Variants in TAFA5 observed in about 807,000 individuals in gnomAD.
TAFA5 encodes chemokine-like protein TAFA-5.
A neutral mutation model predicts 15.3 loss-of-function variants in TAFA5; 6 were observed. That is an observed-to-expected ratio of 0.39 (90% CI 0.21 to 0.77). The LOEUF is 0.77. Ranked by LOEUF, TAFA5 falls within the 30% of genes least tolerant of loss-of-function variation. The probability of loss-of-function intolerance (pLI) is 0.41; values close to 1 mark genes in which losing one functional copy is unlikely to be tolerated. For missense variants in TAFA5, 161 were observed against 193.1 expected (o/e 0.83, Z 0.98); for synonymous variants, 103 against 80.7 (o/e 1.28, Z -1.48).
At chr22:48,514,142 C>T (rs776357917) in intron 1 of TAFA5, among the ~76,000 whole-genome samples, 3 of 152,130 alleles carry the variant, frequency 2.0e-5, no homozygotes, top group African/African-American at 4.8e-5. Flanking sequence ...ACCCCAGGCC[C>T]GGCCGCGGAG....
At chr22:48,544,550 A>G in intron 1 of TAFA5, 1 of 391,268 alleles carries the variant, frequency 2.6e-6, no homozygotes, top group East Asian at 7.3e-5. Flanking sequence ...GGAGGGTGCA[A>G]CGGCGCTAAC....
intron 2 of TAFA5, among the ~76,000 whole-genome samples, chr22:48,650,804 CCCCTCCCCCAGGGCTG>C (rs150909934): frequency 2.3e-5 from 3 of 131,854 alleles, no homozygotes; most frequent in South Asian, 5.3e-4. Context: ...CACCGAGCCT[CCCCTCCCCCAGGGCTG>C]CCCTCTGAGG....
rs183215768 is a variant in TAFA5, at chr22:48,736,608, G to A, written c.391-13231G>A. Reference sequence around the variant, plus strand: ...CCCAAGTGTCCGTCAGCGGTCCCACGGAAAAACAACCTTCATATACAGCCA... The same window carrying A: ...CCCAAGTGTCCGTCAGCGGTCCCACAGAAAAACAACCTTCATATACAGCCA... On this transcript the variant is annotated intron_variant, in intron 3 of 3. Coordinates refer to ENST00000402357, the MANE Select transcript of TAFA5 (RefSeq NM_001082967.3). 3.3e-5 allele frequency among the ~76,000 whole-genome samples: 5 copies of A among 152,300 alleles called. No homozygotes were observed. The East Asian group carries it at 5.8e-4, about 18-fold the overall frequency.
At chr22:48,711,085 G>T (rs1824278654) in intron 3 of TAFA5, among the ~76,000 whole-genome samples, 1 of 152,184 alleles carries the variant, frequency 6.6e-6, no homozygotes, top group Admixed American at 6.5e-5. Context: ...GCTGGTGGAG[G>T]CTTAGAGGGC....
chr22:48,664,678 C>T (rs1266721751), intron 2 of TAFA5, among the ~76,000 whole-genome samples: 1 of 152,172 alleles, frequency 6.6e-6, no homozygotes, highest in Non-Finnish European at 1.5e-5. Flanking sequence ...GTTTCAGAAC[C>T]TCCCATCAAC....
intron 1 of TAFA5, chr22:48,576,482 T>G (rs375758320): frequency 1.4e-6 from 2 of 1,472,132 alleles, no homozygotes; most frequent in Non-Finnish European, 1.8e-6. Context: ...GACTCCGCGA[T>G]GCAGCTCCTG....
chr22:48,743,088 G>A (rs759821977), intron 3 of TAFA5, among the ~76,000 whole-genome samples: 4 of 152,178 alleles, frequency 2.6e-5, no homozygotes, highest in African/African-American at 7.2e-5. Flanking sequence ...CCACACACCC[G>A]GTGGCTTCAA....
intron 1 of TAFA5, among the ~76,000 whole-genome samples, chr22:48,526,431 C>T (rs1921784611): frequency 6.6e-6 from 1 of 152,210 alleles, no homozygotes; most frequent in African/African-American, 2.4e-5. Flanking sequence ...GCTGTCGCCC[C>T]AGACACATCT....
At chr22:48,668,721 A>G (rs1927704442) in intron 2 of TAFA5, among the ~76,000 whole-genome samples, 1 of 151,366 alleles carries the variant, frequency 6.6e-6, no homozygotes. Context: ...TGGAAACTGT[A>G]GTCCCCCAGC....
intron 1 of TAFA5, among the ~76,000 whole-genome samples, chr22:48,549,169 T>C (rs962253315): frequency 6.6e-6 from 1 of 152,242 alleles, no homozygotes. Flanking sequence ...GCAGGATTCA[T>C]GATCCCATTT....
At chr22:48,711,315 C>T (rs968262882) in intron 3 of TAFA5, among the ~76,000 whole-genome samples, 1 of 151,828 alleles carries the variant, frequency 6.6e-6, no homozygotes, top group Non-Finnish European at 1.5e-5. Flanking sequence ...GCCTGTGCCT[C>T]ATGTTGCTAT....
At chr22:48,520,111 C>T (rs1013192261) in intron 1 of TAFA5, among the ~76,000 whole-genome samples, 23 of 152,304 alleles carry the variant, frequency 1.5e-4, no homozygotes, top group Admixed American at 4.6e-4. Context: ...GCCTGCTAGC[C>T]GAGGAGCCGC....
At chr22:48,542,048 G>A (rs1035641147) in intron 1 of TAFA5, among the ~76,000 whole-genome samples, 2 of 152,012 alleles carry the variant, frequency 1.3e-5, no homozygotes, top group Non-Finnish European at 2.9e-5. Flanking sequence ...GGAGGGGCCG[G>A]GGCGTGTGTG....
Position 48,662,360 on chromosome 22 carries a change from G to A in TAFA5, c.262+15614G>A, listed in dbSNP as rs79406868. Among the ~76,000 whole-genome samples the A allele has an allele frequency of 9.5e-3, 1,445 of 152,254 alleles. 22 individuals are homozygous for A. Among genetic ancestry groups the A allele is most frequent in the African/African-American group, 0.032 (1,330 of 41,548 alleles). ...CAGGAAGGTGACGGATCACTCTGAT[G>A]GCCTTCTACAAAAATCTCTCTGCTG... On this transcript the variant is annotated intron_variant, in intron 2 of 3. Coordinates refer to ENST00000402357, the MANE Select transcript of TAFA5 (RefSeq NM_001082967.3).
chr22:48,616,601 T>C (rs1601618107), intron 1 of TAFA5, among the ~76,000 whole-genome samples: 2 of 31,270 alleles, frequency 6.4e-5, no homozygotes, highest in South Asian at 3.6e-3. Flanking sequence ...GCATTTTGCC[T>C]GCGCATGGAA....
intron 1 of TAFA5, among the ~76,000 whole-genome samples, chr22:48,587,056 G>C (rs955590394): frequency 7.5e-6 from 1 of 133,944 alleles, no homozygotes; most frequent in Admixed American, 7.2e-5. Flanking sequence ...AGCTGTGTCT[G>C]TTTGTCTGTG....
chr22:48,645,036 G>A (rs1262397133), intron 1 of TAFA5, among the ~76,000 whole-genome samples: 1 of 152,226 alleles, frequency 6.6e-6, no homozygotes, highest in South Asian at 2.1e-4. Context: ...TCTAACCGCC[G>A]TGGCCCCAGG....
At chr22:48,707,280 C>A (rs952636312) in intron 2 of TAFA5, among the ~76,000 whole-genome samples, 1 of 152,180 alleles carries the variant, frequency 6.6e-6, no homozygotes, top group African/African-American at 2.4e-5. Context: ...GCCTGGGCCC[C>A]CTTGTTCCCC....
At chr22:48,580,219 C>T (rs562087634) in intron 1 of TAFA5, among the ~76,000 whole-genome samples, 2 of 152,286 alleles carry the variant, frequency 1.3e-5, no homozygotes, top group East Asian at 1.9e-4. Context: ...ATGAGGCGTC[C>T]TCCTGCAAAC....
Sources: allele counts gnomAD v4.1 joint callset (sites outside exome capture counted in the v4.1 genomes callset), GRCh38; gene constraint gnomAD v4.1.1; transcripts MANE v1.5; gene names NCBI Gene and HGNC (gene_info 2026-07-23, HGNC 2026-07-21).